The following SPEG variants were observed in gnomAD, a reference collection of about 807,000 sequenced individuals.
SPEG encodes striated muscle preferentially expressed protein kinase.
Under a neutral mutation model 300.4 loss-of-function variants are expected in SPEG, and 114 were observed. That is an observed-to-expected ratio of 0.38 (90% CI 0.33 to 0.44). The LOEUF (loss-of-function observed/expected upper bound fraction) is 0.44. SPEG is among the 20% of genes least tolerant of loss of function. SPEG has a pLI of 1.00. For synonymous variants in SPEG, 1,964 were observed against 2,018.9 expected, an observed-to-expected ratio of 0.97 and a Z score of 0.73; for missense variants, 4,201 against 4,586.2, an observed-to-expected ratio of 0.92 and a Z score of 2.43.
intron 6 of SPEG, among the ~76,000 whole-genome samples, chr2:219,453,254 G>T (rs972736663): frequency 1.3e-5 from 2 of 152,240 alleles, no homozygotes; most frequent in African/African-American, 4.8e-5. Context: ...GCAGCTTGGG[G>T]CGAGGCAGTT....
At chr2:219,488,069 C>A in intron 31 of SPEG, 125 bp from the exon 32 acceptor site, 1 of 673,992 alleles carries the variant, frequency 1.5e-6, no homozygotes, top group Non-Finnish European at 2.6e-6. Context: ...TCCACATCTG[C>A]CTGGGAAGAG....
Position 219,479,993 on chromosome 2 carries a change from C to T in SPEG, c.5195C>T (p.Ala1732Val), listed in dbSNP as rs202224806. ...PENLLVWDGA[A>V]GEQQVRICDF... is the part of the protein sequence containing the mutation. The stretch of plus-strand genomic sequence containing the variant: ...AACCTGCTGGTGTGGGATGGTGCTG[C>T]GGGCGAGCAGCAGGTGCGGATCTGT... The change falls in exon 25 of 41, where the codon GCG (alanine) becomes GTG (valine). Residue 1732 changes from alanine (A) to valine (V), a missense_variant. By Grantham distance (64) the Ala-to-Val change is moderately conservative. Coordinates refer to ENST00000312358, the MANE Select transcript of SPEG (RefSeq NM_005876.5). The surrounding 1 kb of genome is among the most constrained non-coding windows in gnomAD (Gnocchi z 5.5). 47 of 1,614,164 alleles carry T rather than the reference C, an allele frequency of 2.9e-5. No homozygotes were observed. The highest frequency in any genetic ancestry group is 4.0e-5 in the African/African-American group (3 of 75,050).
Position 219,483,563 on chromosome 2 carries a change from A to C in SPEG, c.6100A>C (p.Lys2034Gln). 1 of 1,447,912 alleles carries C rather than the reference A, an allele frequency of 6.9e-7. No individual in the cohort carries two copies. Among genetic ancestry groups the C allele is most frequent in the South Asian group, 1.4e-5 (1 of 70,170 alleles). The allele number at this position is 1,447,912 out of a possible 1,614,324, so 89.7% of individuals were successfully genotyped here. ...GCGGGAGCTGGGCCGGGGCCTGCACAAGGCGGCGTCTGTGGAGCTGCCGCA... is the reference window on the plus strand; with the variant it reads ...GCGGGAGCTGGGCCGGGGCCTGCACCAGGCGGCGTCTGTGGAGCTGCCGCA... ...GPRELGRGLHKAASVELPQRR... is the reference protein window; with the variant it reads ...GPRELGRGLHQAASVELPQRR... The change falls in exon 30 of 41, where the codon AAG (lysine) becomes CAG (glutamine). Residue 2034 changes from lysine to glutamine, a missense_variant. Lys to Gln is a moderately conservative substitution (Grantham distance 53). Transcript: ENST00000312358.
Position 219,492,878 on chromosome 2 carries a change from TG to T in SPEG, c.*96del. The T allele has an allele frequency of 7.6e-7, 1 of 1,322,178 alleles. No homozygotes were observed. Among genetic ancestry groups the T allele is most frequent in the Non-Finnish European group, 1.0e-6 (1 of 953,612 alleles). 81.9% of individuals were successfully genotyped at this position (1,322,178 alleles called of 1,614,324 possible). ...GGGCCCACGCTGAGCCAGGCGGGCC[TG>T]GGGCTTCGGTTACCACCAGCAGCAA... On this transcript the variant is annotated 3_prime_UTR_variant, in exon 41 of 41. Coordinates refer to ENST00000312358, the MANE Select transcript of SPEG (RefSeq NM_005876.5).
Position 219,473,099 on chromosome 2 carries a change from G to A in SPEG, c.4147+3G>A, listed in dbSNP as rs966005160. On this transcript the variant is annotated splice_donor_region_variant and intron_variant, in intron 16 of 40. Transcript: ENST00000312358. The surrounding 1 kb of genome is among the most constrained non-coding windows in gnomAD (Gnocchi z 4.6). ...GCCTGTGCAGCTGCTGGAGCACGGT[G>A]AGCCTGGGTGCTCCTGTCGGGTGGG... 8.1e-6 allele frequency: 13 copies of A among 1,612,990 alleles called. No homozygotes were observed. Among genetic ancestry groups the A allele is most frequent in the African/African-American group, 1.3e-5 (1 of 74,938 alleles).
intron 36 of SPEG, 45 bp from the exon 37 acceptor site, chr2:219,490,364 C>T (rs1693850316): frequency 1.3e-6 from 2 of 1,584,832 alleles, no homozygotes; most frequent in East Asian, 2.2e-5. Flanking sequence ...GAAGTGTCCC[C>T]CTCCTCTCCT....
intron 4 of SPEG, chr2:219,450,871 G>A (rs901583137): frequency 1.7e-5 from 6 of 362,210 alleles, no homozygotes; most frequent in Admixed American, 8.9e-5. Context: ...AGAAGCCAAC[G>A]CTCTAATTGT....
At position 219,482,048 on chromosome 2, in the gene SPEG, G is replaced by T. The variant is rs1692897815; in HGVS notation, c.5565+368G>T. ...CACTGGTCCCACACAATAGCGTTGG[G>T]GGTGACCAGGCAGTCTCAGCCCCTT... On this transcript the variant is annotated intron_variant, in intron 28 of 40. Coordinates refer to ENST00000312358, the MANE Select transcript of SPEG (RefSeq NM_005876.5). 7 of 320,274 alleles carry T rather than the reference G, an allele frequency of 2.2e-5. No individual in the cohort carries two copies. The South Asian group carries it at 3.9e-4, about 18-fold the overall frequency. 19.8% of individuals were successfully genotyped at this position (320,274 alleles called of 1,614,324 possible).
At position 219,435,324 on chromosome 2, in the gene SPEG, G is replaced by C. The variant is rs756522056; in HGVS notation, c.347G>C (p.Arg116Pro). The C allele has an allele frequency of 5.2e-6, 8 of 1,537,484 alleles. No homozygotes were observed. In the Admixed American group the frequency reaches 1.4e-4, roughly 26 times the overall value. Residue 116 changes from arginine (R) to proline (P), a missense_variant, in exon 1 of 41, where the codon CGG (arginine) becomes CCG (proline). Around this residue, in one of 4 missense-constraint regions of SPEG, gnomAD observed 1,258 missense variants for 1,293.9 expected, o/e 0.97. Coordinates refer to ENST00000312358, the MANE Select transcript of SPEG (RefSeq NM_005876.5). ...TGCATGGCCCAGAACGAGCGGGGCC[G>C]GGCCTCCTGCGAGGCGGTGCTCACA... ...YSCMAQNERG[R>P]ASCEAVLTVL...
At position 219,483,871 on chromosome 2, in the gene SPEG, G is replaced by A. The variant is rs376371756; in HGVS notation, c.6408G>A (p.Ala2136=). The part of the protein sequence containing the change: ...QKSSSFSQGE[A]EPRGRHRRAG... Reference sequence around the variant, plus strand: ...GCAGCAGCTTCTCCCAGGGTGAGGCGGAGCCCCGGGGCCGGCACCGCCGAG... The same window carrying A: ...GCAGCAGCTTCTCCCAGGGTGAGGCAGAGCCCCGGGGCCGGCACCGCCGAG... Residue 2136 remains alanine, a synonymous_variant, in exon 30 of 41, where the codon GCG becomes GCA. Transcript: ENST00000312358. 6 of 1,595,834 alleles carry A rather than the reference G, an allele frequency of 3.8e-6. No homozygotes were observed. The highest frequency in any genetic ancestry group is 1.3e-5 in the African/African-American group (1 of 74,636).
chr2:219,466,659 A>C, intron 9 of SPEG: 1 of 1,001,312 alleles, frequency 1.0e-6, no homozygotes, highest in Non-Finnish European at 1.2e-6. Context: ...GTGCTGATGA[A>C]CAGCCTGGCT....
At position 219,489,779 on chromosome 2, in the gene SPEG, C is replaced by T; in HGVS notation, c.8761C>T (p.Pro2921Ser). The T allele has an allele frequency of 6.2e-7, 1 of 1,613,652 alleles. No homozygotes were observed. Among genetic ancestry groups the T allele is most frequent in the African/African-American group, 1.3e-5 (1 of 75,038 alleles). Residue 2921 changes from proline (P) to serine (S), a missense_variant, in exon 36 of 41, where the codon CCT becomes TCT. Coordinates refer to ENST00000312358, the MANE Select transcript of SPEG (RefSeq NM_005876.5). ...CCCTGAGCCCCCAGCCCCTGAGCCCCCTCCTGAGCCTACCAAGGTGACTGT... is the reference window on the plus strand; with the variant it reads ...CCCTGAGCCCCCAGCCCCTGAGCCCTCTCCTGAGCCTACCAAGGTGACTGT... The part of the protein sequence containing the change: ...PAPEPPAPEP[P>S]PEPTKVTVQS...
chr2:219,475,358 A>G (rs1012765116), intron 18 of SPEG, among the ~76,000 whole-genome samples: 7 of 152,196 alleles, frequency 4.6e-5, no homozygotes, highest in African/African-American at 1.7e-4. Context: ...TCAAAAAACC[A>G]TTGAAGCTCA....
Position 219,448,785 on chromosome 2 carries a change from A to C in SPEG, c.1627A>C (p.Lys543Gln). The change falls in exon 4 of 41, where the codon AAG (lysine) becomes CAG (glutamine). Residue 543 changes from lysine (K) to glutamine (Q), a missense_variant. Physicochemically the swap from Lys to Gln is moderately conservative, Grantham distance 53. Coordinates refer to ENST00000312358, the MANE Select transcript of SPEG (RefSeq NM_005876.5). The stretch of plus-strand genomic sequence containing the variant: ...GCTCTTCTCTCGGCCCTCCACCCCC[A>C]AGACATCGCGGGCCGTGAGCCCCGC... ...PPLFSRPSTP[K>Q]TSRAVSPAAA... The C allele has an allele frequency of 1.4e-6, 2 of 1,416,932 alleles. No individual in the cohort carries two copies. Among genetic ancestry groups the C allele is most frequent in the Non-Finnish European group, 1.8e-6 (2 of 1,093,114 alleles). 87.8% of individuals were successfully genotyped at this position (1,416,932 alleles called of 1,614,324 possible). A position where few individuals can be genotyped will look rare whatever the true frequency, so the allele number is the denominator to read the frequency against.
chr2:219,484,899 G>A lies in SPEG; in HGVS notation c.7436G>A (p.Gly2479Asp), dbSNP rs1352616616. Residue 2479 changes from glycine to aspartate, a missense_variant, in exon 30 of 41, where the codon GGC becomes GAC. This residue lies in a region of SPEG where 1,578 missense variants were observed against 1,506.0 expected (regional missense o/e 1.05). Transcript: ENST00000312358. ...AGTGGCAGCAGCGAGGACTCGGGGG[G>A]CGCGTCGGGCCGCAGCACGCCGCTG... is the stretch of plus-strand genomic sequence containing the variant. ...QRSGSSEDSGGASGRSTPLFG... is the reference protein window; with the variant it reads ...QRSGSSEDSGDASGRSTPLFG... The A allele has an allele frequency of 2.6e-6, 4 of 1,525,614 alleles. No individual in the cohort carries two copies. Among genetic ancestry groups the A allele is most frequent in the East Asian group, 2.5e-5 (1 of 39,668 alleles). 94.5% of individuals were successfully genotyped at this position (1,525,614 alleles called of 1,614,324 possible). A position where few individuals can be genotyped will look rare whatever the true frequency, so the allele number is the denominator to read the frequency against.
intron 9 of SPEG, chr2:219,465,693 T>G (rs1211884504): frequency 1.2e-5 from 4 of 327,686 alleles, no homozygotes; most frequent in Non-Finnish European, 2.2e-5. Context: ...CTGCCGGCCC[T>G]CGCAGCCCAG....
chr2:219,472,641 C>A (rs981508775), intron 15 of SPEG, among the ~76,000 whole-genome samples: 2 of 152,174 alleles, frequency 1.3e-5, no homozygotes, highest in Non-Finnish European at 2.9e-5. Context: ...AGTTTCCCTA[C>A]CTCAGGTATC....
intron 32 of SPEG, 86 bp from the exon 33 acceptor site, chr2:219,488,412 G>C (rs1207222706): frequency 2.7e-6 from 4 of 1,503,344 alleles, no homozygotes; most frequent in Non-Finnish European, 2.7e-6. Context: ...CACGGTTAGG[G>C]GGGATGCTGG....
At chr2:219,435,410 A>T in intron 1 of SPEG, 45 bp downstream of exon 1, 2 of 1,501,266 alleles carry the variant, frequency 1.3e-6, no homozygotes, top group Non-Finnish European at 1.8e-6. Flanking sequence ...CGGGGTGCTC[A>T]GAGGTAGAAA....
Sources: gnomAD v4.1 joint callset for allele counts (sites outside exome capture counted in the v4.1 genomes callset) on GRCh38, gnomAD v4.1.1 for gene constraint, gnomAD v4.1.1 regional missense constraint, Gnocchi (gnomAD v3.1) non-coding constraint, MANE v1.5 for transcripts, NCBI Gene and HGNC (gene_info 2026-07-23, HGNC 2026-07-21) for gene names.